ANTXR1: variants seen among roughly 807,000 people sequenced by gnomAD.
ANTXR1 encodes anthrax toxin receptor 1.
In ANTXR1, 19 loss-of-function variants were observed where a neutral mutation model predicts 78.1. That is an observed-to-expected ratio of 0.24 (90% CI 0.17 to 0.36). The LOEUF is 0.36. ANTXR1 is among the 10% of genes least tolerant of loss of function. The pLI, the probability that ANTXR1 is intolerant of heterozygous loss-of-function variation, is 1.00. For synonymous variants in ANTXR1, 273 were observed against 260.5 expected (o/e 1.05, Z -0.46); for missense variants, 518 against 718.6 (o/e 0.72, Z 3.19).
At chr2:69,195,956 A>G (rs2104479176) in intron 17 of ANTXR1, among the ~76,000 whole-genome samples, 1 of 152,330 alleles carries the variant, frequency 6.6e-6, no homozygotes, top group East Asian at 1.9e-4. Flanking sequence ...GGGTCAACCT[A>G]AGAAGTGGGA....
At chr2:69,017,802 A>G (rs1413704389) in intron 1 of ANTXR1, among the ~76,000 whole-genome samples, 1 of 152,214 alleles carries the variant, frequency 6.6e-6, no homozygotes, top group Admixed American at 6.5e-5. Flanking sequence ...CAAAAAGCAA[A>G]GAAACAGCTA....
chr2:69,058,962 G>A (rs1334231070), intron 3 of ANTXR1, among the ~76,000 whole-genome samples: 1 of 152,230 alleles, frequency 6.6e-6, no homozygotes, highest in African/African-American at 2.4e-5. Flanking sequence ...GAAACAGCAA[G>A]AGAACCAGAA....
intron 13 of ANTXR1, among the ~76,000 whole-genome samples, chr2:69,169,048 G>A (rs1372915604): frequency 6.6e-6 from 1 of 152,250 alleles, no homozygotes; most frequent in Non-Finnish European, 1.5e-5. Flanking sequence ...CGTGGGGATT[G>A]GAGCCCTAAC....
intron 17 of ANTXR1, among the ~76,000 whole-genome samples, chr2:69,238,795 G>A (rs573404200): frequency 3.3e-5 from 5 of 152,294 alleles, no homozygotes; most frequent in Non-Finnish European, 7.4e-5. Flanking sequence ...AATTATTTTA[G>A]TGTTCTTCCT....
chr2:69,221,326 G>A (rs1163146439), intron 17 of ANTXR1, among the ~76,000 whole-genome samples: 1 of 152,174 alleles, frequency 6.6e-6, no homozygotes, highest in Non-Finnish European at 1.5e-5. Flanking sequence ...GGAGATATCA[G>A]AGTTGGGGGG....
chr2:69,211,075 G>A (rs1483411022), intron 17 of ANTXR1, among the ~76,000 whole-genome samples: 1 of 152,160 alleles, frequency 6.6e-6, no homozygotes, highest in Non-Finnish European at 1.5e-5. Context: ...AAAGGCTACA[G>A]AGAGGAGGTG....
At chr2:69,133,291 C>T (rs1672811426) in intron 12 of ANTXR1, among the ~76,000 whole-genome samples, 1 of 152,194 alleles carries the variant, frequency 6.6e-6, no homozygotes, top group Admixed American at 6.5e-5. Context: ...TTCCAAACAA[C>T]CAGTTGCAGA....
chr2:69,116,496 C>G (rs1041681725), intron 10 of ANTXR1, among the ~76,000 whole-genome samples: 12 of 152,174 alleles, frequency 7.9e-5, no homozygotes, highest in African/African-American at 2.7e-4. Context: ...GTTGTTCCAT[C>G]ATTTGGAGAC....
intron 14 of ANTXR1, among the ~76,000 whole-genome samples, chr2:69,170,844 A>C (rs943650123): frequency 6.6e-6 from 1 of 152,244 alleles, no homozygotes; most frequent in Non-Finnish European, 1.5e-5. Context: ...CTCGTCATCT[A>C]AAGAAAAAAA....
chr2:69,245,104 G>A (rs903924410), intron 17 of ANTXR1, 121 bp from the exon 18 acceptor site: 2 of 1,124,954 alleles, frequency 1.8e-6, no homozygotes, highest in South Asian at 1.2e-5. Flanking sequence ...TGTGCCACTA[G>A]AGAGTTGTCA....
rs778880406 is a variant in ANTXR1 at position 69,170,228 on chromosome 2, G to A, written c.1048-20G>A. 3 of 1,614,118 alleles carry A rather than the reference G, an allele frequency of 1.9e-6. No individual in the cohort carries two copies. Among genetic ancestry groups the A allele is most frequent in the Non-Finnish European group, 2.5e-6 (3 of 1,179,978 alleles). ...GTAGCCAGAGATTTTTCACTGACCT[G>A]TTCTCTGTTTTCTTTTCAGATTATC... On this transcript the variant is annotated intron_variant, in intron 13 of 17. Coordinates refer to ENST00000303714, the MANE Select transcript of ANTXR1 (RefSeq NM_032208.3).
At chr2:69,162,732 C>T (rs1182072504) in intron 13 of ANTXR1, among the ~76,000 whole-genome samples, 8 of 152,082 alleles carry the variant, frequency 5.3e-5, no homozygotes, top group Admixed American at 6.5e-5. Context: ...CCAAAGTTAA[C>T]AATAATTGTT....
At chr2:69,118,731 C>T (rs367968272) in intron 10 of ANTXR1, among the ~76,000 whole-genome samples, 58 of 152,300 alleles carry the variant, frequency 3.8e-4, no homozygotes, top group African/African-American at 1.2e-3. Context: ...TGGGGCCAAA[C>T]GTGGCACGGC....
At chr2:69,130,142 C>T (rs1273954599) in intron 12 of ANTXR1, among the ~76,000 whole-genome samples, 2 of 152,214 alleles carry the variant, frequency 1.3e-5, no homozygotes, top group Admixed American at 6.5e-5. Flanking sequence ...TCTTGAACAC[C>T]CAAGATGTGG....
In ANTXR1 at chr2:69,215,110, T is replaced by C. The variant is rs1471315904; in HGVS notation, c.1434+21695T>C. 2.6e-5 allele frequency among the ~76,000 whole-genome samples: 4 copies of C among 152,182 alleles called. No individual in the cohort carries two copies. In the East Asian group the frequency reaches 7.7e-4, roughly 29 times the overall value. On this transcript the variant is annotated intron_variant, in intron 17 of 17. Coordinates refer to ENST00000303714, the MANE Select transcript of ANTXR1 (RefSeq NM_032208.3). ...CCTCCATCCTGCTGCACAGGCTGCC[T>C]CCACTTTCTCAGACATGAGAACTCT...
chr2:69,051,855 C>G (rs1489406824), intron 3 of ANTXR1, among the ~76,000 whole-genome samples: 1 of 151,866 alleles, frequency 6.6e-6, no homozygotes, highest in Non-Finnish European at 1.5e-5. Context: ...ATCTTTTTGT[C>G]ACCTTTAGTG....
intron 9 of ANTXR1, among the ~76,000 whole-genome samples, chr2:69,093,272 C>T (rs941860712): frequency 3.3e-5 from 5 of 152,192 alleles, no homozygotes; most frequent in South Asian, 2.1e-4. Flanking sequence ...TAATTCCTTT[C>T]ACCAACCATA....
At chr2:69,155,598 A>AT (rs1250499358) in intron 13 of ANTXR1, among the ~76,000 whole-genome samples, 2 of 152,164 alleles carry the variant, frequency 1.3e-5, no homozygotes, top group Non-Finnish European at 2.9e-5. Flanking sequence ...GAAAAGGATC[A>AT]TTTTTTTAAA....
At chr2:69,024,473 A>G (rs1334817325) in intron 1 of ANTXR1, among the ~76,000 whole-genome samples, 1 of 152,220 alleles carries the variant, frequency 6.6e-6, no homozygotes, top group Admixed American at 6.5e-5. Context: ...TCTGGGCAAG[A>G]GAAGAAATTA....
Sources: gnomAD v4.1 joint callset for allele counts (sites outside exome capture counted in the v4.1 genomes callset) on GRCh38, gnomAD v4.1.1 for gene constraint, MANE v1.5 for transcripts, NCBI Gene and HGNC (gene_info 2026-07-23, HGNC 2026-07-21) for gene names.